Variants in PDE4B observed in about 807,000 individuals in gnomAD.
The protein encoded by PDE4B is phosphodiesterase 4B, also known as 3',5'-cyclic-AMP phosphodiesterase 4B.
In PDE4B, 20 loss-of-function variants were observed where a neutral mutation model predicts 82.2. The ratio of observed to expected loss-of-function variants is 0.24; its 90% confidence interval spans 0.17 to 0.35. The LOEUF is 0.35. Ranked by LOEUF, PDE4B falls within the 10% of genes least tolerant of loss-of-function variation. The pLI, the probability that PDE4B is intolerant of heterozygous loss-of-function variation, is 1.00. For missense variants in PDE4B, 655 were observed against 907.2 expected (o/e 0.72, Z 3.57); for synonymous variants, 320 against 318.9 (o/e 1.00, Z -0.04).
intron 3 of PDE4B, among the ~76,000 whole-genome samples, chr1:66,092,683 G>T (rs1250797794): frequency 1.3e-5 from 2 of 152,044 alleles, no homozygotes; most frequent in African/African-American, 4.8e-5. Context: ...TGATCTGGGG[G>T]TAGAGTGTCC....
intron 3 of PDE4B, among the ~76,000 whole-genome samples, chr1:66,165,922 A>T (rs574887187): frequency 6.6e-6 from 1 of 151,854 alleles, no homozygotes; most frequent in African/African-American, 2.4e-5. Flanking sequence ...AATGCAAGGG[A>T]CCTATAAAAA....
chr1:66,154,349 A>C (rs904279176), intron 3 of PDE4B, among the ~76,000 whole-genome samples: 1 of 152,186 alleles, frequency 6.6e-6, no homozygotes, highest in Non-Finnish European at 1.5e-5. Context: ...GCGGTTCTCC[A>C]TGAAGATATA....
chr1:66,060,379 T>G (rs751655885), intron 3 of PDE4B, among the ~76,000 whole-genome samples: 1 of 152,252 alleles, frequency 6.6e-6, no homozygotes, highest in Non-Finnish European at 1.5e-5. Context: ...ACAATACTTG[T>G]TGTTTCCTTA....
chr1:66,185,085 C>G (rs1033202664), intron 3 of PDE4B, among the ~76,000 whole-genome samples: 6 of 151,898 alleles, frequency 4.0e-5, no homozygotes, highest in Admixed American at 1.3e-4. Context: ...TGAGAACATG[C>G]GGTGTTTGGT....
At position 66,101,935 on chromosome 1, in the gene PDE4B, A is replaced by G. The variant is rs542024700; in HGVS notation, c.282-145525A>G. ...GCCTATGTCCTGAATGGTATTGCCTAAGTTTTCTTCTAGAGTTTTTATGCT... is the reference window on the plus strand; with the variant it reads ...GCCTATGTCCTGAATGGTATTGCCTGAGTTTTCTTCTAGAGTTTTTATGCT... On this transcript the variant is annotated intron_variant, in intron 3 of 16. Transcript: ENST00000341517. Among the ~76,000 whole-genome samples the G allele has an allele frequency of 4.6e-5, 7 of 152,276 alleles. No homozygotes were observed. The East Asian group carries it at 1.4e-3, about 29-fold the overall frequency.
chr1:66,149,155 A>G (rs562986655), intron 3 of PDE4B, among the ~76,000 whole-genome samples: 17 of 152,238 alleles, frequency 1.1e-4, no homozygotes, highest in African/African-American at 4.1e-4. Flanking sequence ...TGCCTTTGTT[A>G]TTTTAGCTAC....
intron 3 of PDE4B, among the ~76,000 whole-genome samples, chr1:65,920,772 G>A (rs1647221823): frequency 6.6e-6 from 1 of 151,122 alleles, no homozygotes; most frequent in African/African-American, 2.4e-5. Context: ...CTTGGCGTCA[G>A]TATTTTAGGT....
rs148956671 is a variant in PDE4B at position 65,928,189 on chromosome 1, G to A, written c.281+9354G>A. On this transcript the variant is annotated intron_variant, in intron 3 of 16. Transcript: ENST00000341517. ...AACGTAGTGAGGTCCTTCCTCAAGG[G>A]TACCTGGCCTCCCCTTCATTCAAGG... Among the ~76,000 whole-genome samples, 18 of 150,888 alleles carry A rather than the reference G, an allele frequency of 1.2e-4. No individual in the cohort carries two copies. In the East Asian group the frequency reaches 3.5e-3, roughly 30 times the overall value.
intron 3 of PDE4B, among the ~76,000 whole-genome samples, chr1:66,078,149 G>C (rs1656525075): frequency 1.3e-5 from 2 of 151,736 alleles, no homozygotes; most frequent in Admixed American, 6.6e-5. Context: ...GTAAACTACA[G>C]AATTGAAATT....
intron 3 of PDE4B, among the ~76,000 whole-genome samples, chr1:66,209,016 T>C (rs1004420984): frequency 1.3e-5 from 2 of 152,184 alleles, no homozygotes; most frequent in Non-Finnish European, 2.9e-5. Flanking sequence ...AGCTTCAGAC[T>C]CCTTCATGAG....
chr1:66,341,152 G>A (rs544159504), intron 8 of PDE4B, among the ~76,000 whole-genome samples: 1 of 152,332 alleles, frequency 6.6e-6, no homozygotes, highest in East Asian at 1.9e-4. Context: ...AATGACAAGT[G>A]AGGATTAAAG....
chr1:66,124,172 A>G (rs1325454943), intron 3 of PDE4B, among the ~76,000 whole-genome samples: 3 of 152,240 alleles, frequency 2.0e-5, no homozygotes, highest in Admixed American at 2.0e-4. Context: ...TGAGTGAAGC[A>G]GGACTGGCAT....
At chr1:66,142,508 A>T (rs773760764) in intron 3 of PDE4B, among the ~76,000 whole-genome samples, 46 of 152,088 alleles carry the variant, frequency 3.0e-4, no homozygotes, top group East Asian at 1.7e-3. Context: ...GTTTTTTTTT[A>T]AATTTTTTTG....
chr1:65,994,692 T>C (rs1300659108), intron 3 of PDE4B, among the ~76,000 whole-genome samples: 2 of 152,118 alleles, frequency 1.3e-5, no homozygotes, highest in African/African-American at 4.8e-5. Context: ...TAGATGCACA[T>C]TTTTTCTTGA....
At chr1:66,306,880 G>A (rs1214998562) in intron 7 of PDE4B, among the ~76,000 whole-genome samples, 3 of 152,172 alleles carry the variant, frequency 2.0e-5, no homozygotes, top group Non-Finnish European at 4.4e-5. Context: ...ATTGTGTGGT[G>A]CTGTGCAGTG....
intron 7 of PDE4B, among the ~76,000 whole-genome samples, chr1:66,287,193 C>T (rs949103756): frequency 1.3e-5 from 2 of 152,098 alleles, no homozygotes; most frequent in African/African-American, 4.8e-5. Context: ...AGCTGTCCTG[C>T]CCCCACAACT....
intron 3 of PDE4B, among the ~76,000 whole-genome samples, chr1:66,059,858 T>G (rs1655492971): frequency 6.6e-6 from 1 of 152,192 alleles, no homozygotes; most frequent in Admixed American, 6.5e-5. Flanking sequence ...TTTCTTTGGC[T>G]ATATCACATT....
Position 66,230,117 on chromosome 1 carries a change from T to G in PDE4B, c.282-17343T>G, listed in dbSNP as rs764841069. ...AAGCAGTCACTTCCACAGAGTTGCT[T>G]AATTTGCCCTAATTCCTGGTTTTTG... On this transcript the variant is annotated intron_variant, in intron 3 of 16. Transcript: ENST00000341517. 4.6e-5 allele frequency among the ~76,000 whole-genome samples: 7 copies of G among 152,220 alleles called. No individual in the cohort carries two copies. The East Asian group carries it at 7.7e-4, about 17-fold the overall frequency.
chr1:65,972,278 G>A (rs775165033), intron 3 of PDE4B, among the ~76,000 whole-genome samples: 8 of 152,116 alleles, frequency 5.3e-5, no homozygotes, highest in East Asian at 1.9e-4. Context: ...CCAAAAGGCC[G>A]GGAGAATATT....
Sources: allele counts gnomAD v4.1 joint callset (sites outside exome capture counted in the v4.1 genomes callset), GRCh38; gene constraint gnomAD v4.1.1; transcripts MANE v1.5; gene names NCBI Gene and HGNC (gene_info 2026-07-23, HGNC 2026-07-21).